CNTNAP5: variants seen among roughly 807,000 people sequenced by gnomAD.
CNTNAP5 encodes the protein contactin-associated protein-like 5.
In CNTNAP5, 72 loss-of-function variants were observed where a neutral mutation model predicts 150.2. The ratio of observed to expected loss-of-function variants is 0.48; its 90% confidence interval spans 0.40 to 0.58. The LOEUF is 0.58. CNTNAP5 is among the 20% of genes least tolerant of loss of function. The pLI, the probability that CNTNAP5 is intolerant of heterozygous loss-of-function variation, is 0.00. For missense variants in CNTNAP5, 1,636 were observed against 1,626.2 expected, an observed-to-expected ratio of 1.01 and a Z score of -0.10; for synonymous variants, 672 against 619.8, an observed-to-expected ratio of 1.08 and a Z score of -1.25.
intron 1 of CNTNAP5, among the ~76,000 whole-genome samples, chr2:124,037,027 A>C (rs1218146402): frequency 6.6e-6 from 1 of 152,216 alleles, no homozygotes; most frequent in Non-Finnish European, 1.5e-5. Context: ...GAAAACCCTC[A>C]TGTGTCTAGA....
intron 1 of CNTNAP5, among the ~76,000 whole-genome samples, chr2:124,045,511 T>C (rs1365344066): frequency 6.6e-6 from 1 of 151,920 alleles, no homozygotes; most frequent in Non-Finnish European, 1.5e-5. Flanking sequence ...TTGGTCAGGC[T>C]GGTCTTGAAC....
At chr2:124,755,872 A>G (rs1680829519) in intron 14 of CNTNAP5, among the ~76,000 whole-genome samples, 1 of 152,176 alleles carries the variant, frequency 6.6e-6, no homozygotes, top group African/African-American at 2.4e-5. Flanking sequence ...TCTCTCAGTA[A>G]TATTTTATTA....
chr2:124,166,927 G>A (rs1305353445), intron 1 of CNTNAP5, among the ~76,000 whole-genome samples: 1 of 152,044 alleles, frequency 6.6e-6, no homozygotes, highest in Admixed American at 6.6e-5. Context: ...TTATATCTAA[G>A]GCCTCTGCCC....
chr2:124,349,833 C>T (rs1283471383), intron 3 of CNTNAP5, among the ~76,000 whole-genome samples: 1 of 140,304 alleles, frequency 7.1e-6, no homozygotes, highest in African/African-American at 2.6e-5. Context: ...GCTCATTCAT[C>T]TATTCCCTAG....
chr2:124,486,899 A>G (rs887239876), intron 7 of CNTNAP5, among the ~76,000 whole-genome samples: 1 of 152,248 alleles, frequency 6.6e-6, no homozygotes, highest in Non-Finnish European at 1.5e-5. Context: ...GACATGAATT[A>G]GAAGTACTCT....
chr2:124,877,512 A>G (rs538142730), intron 21 of CNTNAP5, among the ~76,000 whole-genome samples: 1 of 152,236 alleles, frequency 6.6e-6, no homozygotes, highest in South Asian at 2.1e-4. Flanking sequence ...CAGAAGTCAC[A>G]TGACATGACT....
intron 12 of CNTNAP5, among the ~76,000 whole-genome samples, chr2:124,623,590 CAT>C (rs1345382574): frequency 6.6e-6 from 1 of 152,152 alleles, no homozygotes; most frequent in African/African-American, 2.4e-5. Flanking sequence ...ATGGTTGCCA[CAT>C]AGTCAATTGA....
chr2:124,395,816 C>T (rs531073626), intron 3 of CNTNAP5, among the ~76,000 whole-genome samples: 2 of 152,220 alleles, frequency 1.3e-5, no homozygotes, highest in South Asian at 2.1e-4. Flanking sequence ...TACACACTCA[C>T]CATCCTCTTG....
At chr2:124,307,319 T>C (rs1315810629) in intron 3 of CNTNAP5, among the ~76,000 whole-genome samples, 1 of 152,150 alleles carries the variant, frequency 6.6e-6, no homozygotes, top group African/African-American at 2.4e-5. Context: ...GGTGCTCCAT[T>C]CTCATGACCT....
At chr2:124,630,981 CA>C (rs918636224) in intron 12 of CNTNAP5, among the ~76,000 whole-genome samples, 4 of 151,954 alleles carry the variant, frequency 2.6e-5, no homozygotes, top group Non-Finnish European at 4.4e-5. Context: ...ACAATTGCCA[CA>C]AAGAACATAA....
At chr2:124,813,120 A>C (rs1172089496) in intron 19 of CNTNAP5, among the ~76,000 whole-genome samples, 1 of 151,840 alleles carries the variant, frequency 6.6e-6, no homozygotes, top group Non-Finnish European at 1.5e-5. Flanking sequence ...TCTGTCGCCC[A>C]GGCTGGAGTG....
chr2:124,868,289 A>T (rs1677673640), intron 20 of CNTNAP5, among the ~76,000 whole-genome samples: 1 of 152,068 alleles, frequency 6.6e-6, no homozygotes, highest in Non-Finnish European at 1.5e-5. Flanking sequence ...GCTTATAAGG[A>T]TCTCCATTAT....
At chr2:124,421,864 G>A (rs779443126) in intron 4 of CNTNAP5, among the ~76,000 whole-genome samples, 2 of 152,118 alleles carry the variant, frequency 1.3e-5, no homozygotes, top group Admixed American at 1.3e-4. Context: ...CTTCCTTCTT[G>A]TACACCCACC....
At chr2:124,755,428 A>G in intron 14 of CNTNAP5, among the ~76,000 whole-genome samples, 1 of 152,124 alleles carries the variant, frequency 6.6e-6, no homozygotes, top group East Asian at 1.9e-4. Flanking sequence ...GATATTCAGA[A>G]CTCACCAGTC....
chr2:124,127,644 A>G (rs371751671), intron 1 of CNTNAP5, among the ~76,000 whole-genome samples: 4 of 152,324 alleles, frequency 2.6e-5, no homozygotes, highest in South Asian at 4.1e-4. Context: ...GCATCACGCT[A>G]CCTGACTTCA....
At chr2:124,106,713 T>C (rs1683178777) in intron 1 of CNTNAP5, among the ~76,000 whole-genome samples, 1 of 152,230 alleles carries the variant, frequency 6.6e-6, no homozygotes, top group African/African-American at 2.4e-5. Flanking sequence ...TGAGCCATTC[T>C]GGCAAATTAT....
At chr2:124,175,543 C>T (rs1371498258) in intron 1 of CNTNAP5, among the ~76,000 whole-genome samples, 1 of 152,064 alleles carries the variant, frequency 6.6e-6, no homozygotes, top group East Asian at 1.9e-4. Context: ...GTTCCATCAC[C>T]CGGGTAGTGA....
chr2:124,097,946 T>C (rs561881521), intron 1 of CNTNAP5, among the ~76,000 whole-genome samples: 2 of 152,262 alleles, frequency 1.3e-5, no homozygotes, highest in Non-Finnish European at 2.9e-5. Flanking sequence ...GAGAATGGCA[T>C]GAACCCGGGA....
intron 12 of CNTNAP5, among the ~76,000 whole-genome samples, chr2:124,643,279 C>A (rs1678132433): frequency 6.6e-6 from 1 of 151,878 alleles, no homozygotes; most frequent in Non-Finnish European, 1.5e-5. Flanking sequence ...AGAGAAGAGG[C>A]TATGTGTCTA....
Sources: gnomAD v4.1 joint callset for allele counts (sites outside exome capture counted in the v4.1 genomes callset) on GRCh38, gnomAD v4.1.1 for gene constraint, MANE v1.5 for transcripts, NCBI Gene and HGNC (gene_info 2026-07-23, HGNC 2026-07-21) for gene names.